The following IGSF11 variants were observed in gnomAD, a reference collection of about 807,000 sequenced individuals.
IGSF11 encodes the protein immunoglobulin superfamily member 11.
In IGSF11, 22 loss-of-function variants were observed where a neutral mutation model predicts 41.0. That is an observed-to-expected ratio of 0.54 (90% CI 0.38 to 0.77). The LOEUF is 0.77. IGSF11 is among the 30% of genes least tolerant of loss of function. The pLI is 0.00. For synonymous variants in IGSF11, 219 were observed against 201.3 expected, an observed-to-expected ratio of 1.09 and a Z score of -0.74; for missense variants, 444 against 530.8, an observed-to-expected ratio of 0.84 and a Z score of 1.61.
chr3:119,106,515 G>T (rs573564396), upstream of IGSF11, among the ~76,000 whole-genome samples: 1 of 152,184 alleles, frequency 6.6e-6, no homozygotes, highest in East Asian at 1.9e-4. Flanking sequence ...TTCCATCCAT[G>T]TTGTCAAAAA....
upstream of IGSF11, chr3:119,035,000 G>A (rs1210955704): frequency 1.7e-5 from 4 of 236,736 alleles, no homozygotes; most frequent in Admixed American, 1.3e-4. Context: ...CCCACCCGCG[G>A]AGCAGAGCGC....
At chr3:119,023,796 A>G (rs1220608349) in intron 1 of IGSF11, among the ~76,000 whole-genome samples, 1 of 152,210 alleles carries the variant, frequency 6.6e-6, no homozygotes. Context: ...CTATGTCAAG[A>G]GAATCTGAGC....
At chr3:119,118,975 T>C (rs1260383532) in intron 1 of IGSF11, among the ~76,000 whole-genome samples, 1 of 152,242 alleles carries the variant, frequency 6.6e-6, no homozygotes, top group Non-Finnish European at 1.5e-5. Flanking sequence ...CATCTCAGCC[T>C]GGATTTCATT....
intron 1 of IGSF11, among the ~76,000 whole-genome samples, chr3:119,010,553 G>A (rs1021100289): frequency 3.3e-5 from 5 of 152,168 alleles, no homozygotes; most frequent in Non-Finnish European, 7.4e-5. Context: ...AAAAGGCAGA[G>A]GAAGGGTGAA....
chr3:118,926,113 T>C lies in IGSF11; in HGVS notation c.568A>G (p.Thr190Ala), dbSNP rs150715427. The C allele has an allele frequency of 4.9e-5, 78 of 1,607,658 alleles. No individual in the cohort carries two copies. The highest frequency in any genetic ancestry group is 1.7e-4 in the Middle Eastern group (1 of 6,026). ...GCACTGTACATACCCTGAGTAGCTG[T>C]TGGAGGTAGTTTGAGGGTATTGTCT... ...KLDNTLKLPP[T>A]ATQDQVQGTV... The change falls in exon 4 of 7, where the codon ACA becomes GCA. Residue 190 changes from threonine (T) to alanine (A), a missense_variant. Thr to Ala is a moderately conservative substitution (Grantham distance 58). Coordinates refer to ENST00000393775, the MANE Select transcript of IGSF11 (RefSeq NM_001015887.3).
At chr3:119,015,216 A>G (rs1559794149) in intron 1 of IGSF11, among the ~76,000 whole-genome samples, 2 of 152,224 alleles carry the variant, frequency 1.3e-5, no homozygotes, top group African/African-American at 2.4e-5. Context: ...TTCCCTCTGT[A>G]AGGCACTGTG....
At chr3:119,131,819 C>A (rs1219224105) in intron 1 of IGSF11, among the ~76,000 whole-genome samples, 1 of 152,172 alleles carries the variant, frequency 6.6e-6, no homozygotes, top group Non-Finnish European at 1.5e-5. Context: ...AGGTTACCTA[C>A]AAAGGGAAGC....
In IGSF11 at chr3:119,046,425, A is replaced by C. The variant is rs1304319872; in HGVS notation, c.49+58719T>G. On this transcript the variant is annotated intron_variant, in intron 1 of 6. Transcript: ENST00000354673. ...GAAGATGAAATGAATGAAATGAACC[A>C]AGAAGGAAAGTTTAGAGAAAAAAGA... Among the ~76,000 whole-genome samples the C allele has an allele frequency of 3.3e-5, 5 of 152,136 alleles. No individual in the cohort carries two copies. In the South Asian group the frequency reaches 8.3e-4, roughly 25 times the overall value.
chr3:119,126,855 A>G (rs1462927382), intron 1 of IGSF11, among the ~76,000 whole-genome samples: 1 of 152,156 alleles, frequency 6.6e-6, no homozygotes, highest in Non-Finnish European at 1.5e-5. Flanking sequence ...ACAAAAAGGC[A>G]TCTACAAAAA....
chr3:119,016,690 C>T (rs1216106695), intron 1 of IGSF11, among the ~76,000 whole-genome samples: 1 of 152,158 alleles, frequency 6.6e-6, no homozygotes, highest in Non-Finnish European at 1.5e-5. Flanking sequence ...CCAAATTTAA[C>T]CCACGTTACT....
chr3:119,078,539 T>G (rs926590127), intron 1 of IGSF11, among the ~76,000 whole-genome samples: 1 of 152,168 alleles, frequency 6.6e-6, no homozygotes, highest in African/African-American at 2.4e-5. Flanking sequence ...CTGGATGCAT[T>G]CCTTTCACCA....
intron 1 of IGSF11, among the ~76,000 whole-genome samples, chr3:118,970,113 A>G (rs1030049357): frequency 1.3e-5 from 2 of 152,310 alleles, no homozygotes; most frequent in Admixed American, 1.3e-4. Flanking sequence ...TCTGCATGCC[A>G]CCACCCCAGC....
intron 1 of IGSF11, among the ~76,000 whole-genome samples, chr3:119,090,534 A>G (rs2076746077): frequency 6.6e-6 from 1 of 152,178 alleles, no homozygotes; most frequent in Non-Finnish European, 1.5e-5. Flanking sequence ...ACAAAAACAG[A>G]CACATAGACT....
chr3:119,058,247 A>C (rs1312039009), intron 1 of IGSF11, among the ~76,000 whole-genome samples: 1 of 152,178 alleles, frequency 6.6e-6, no homozygotes, highest in African/African-American at 2.4e-5. Flanking sequence ...TAATATCCAG[A>C]ATCTACAAAG....
chr3:118,964,320 G>A (rs1282695336), intron 1 of IGSF11, among the ~76,000 whole-genome samples: 4 of 152,210 alleles, frequency 2.6e-5, no homozygotes, highest in Admixed American at 6.5e-5. Flanking sequence ...TAATCATAGC[G>A]TTCCATAGAC....
chr3:119,099,711 T>A (rs2076911950), intron 1 of IGSF11, among the ~76,000 whole-genome samples: 1 of 152,202 alleles, frequency 6.6e-6, no homozygotes, highest in Non-Finnish European at 1.5e-5. Context: ...TGGAGGGCCT[T>A]GAATGCCATC....
intron 1 of IGSF11, among the ~76,000 whole-genome samples, chr3:118,982,942 G>C (rs1934887046): frequency 6.6e-6 from 1 of 152,146 alleles, no homozygotes; most frequent in Admixed American, 6.5e-5. Flanking sequence ...GTATCACCTT[G>C]TGAATCCATC....
chr3:119,133,968 T>G (rs1001992775), intron 1 of IGSF11, among the ~76,000 whole-genome samples: 1 of 151,878 alleles, frequency 6.6e-6, no homozygotes, highest in Non-Finnish European at 1.5e-5. Flanking sequence ...CAAAACCACA[T>G]GATTATCTCA....
At chr3:118,903,056 C>T in intron 6 of IGSF11, 95 bp from the exon 7 acceptor site, 5 of 1,225,094 alleles carry the variant, frequency 4.1e-6, no homozygotes, top group East Asian at 2.5e-5. Flanking sequence ...AGGGCTTATA[C>T]ATCCAAAAAA....
Sources: allele counts gnomAD v4.1 joint callset (sites outside exome capture counted in the v4.1 genomes callset), GRCh38; gene constraint gnomAD v4.1.1; transcripts MANE v1.5; gene names NCBI Gene and HGNC (gene_info 2026-07-23, HGNC 2026-07-21).